Variants in LTN1 observed in about 807,000 individuals in gnomAD.
LTN1 encodes the protein listerin E3 ubiquitin protein ligase 1.
In LTN1, 88 loss-of-function variants were observed where a neutral mutation model predicts 201.2. That is an observed-to-expected ratio of 0.44 (90% CI 0.37 to 0.52). LTN1 has a LOEUF of 0.52. Among genes scored for constraint, LTN1 ranks in the 20% least tolerant of loss-of-function variants. The pLI is 0.00. For missense variants in LTN1, 1,752 were observed against 2,038.7 expected, an observed-to-expected ratio of 0.86 and a Z score of 2.71; for synonymous variants, 645 against 713.5, an observed-to-expected ratio of 0.90 and a Z score of 1.53.
chr21:28,937,697 T>G (rs187218637), intron 25 of LTN1, among the ~76,000 whole-genome samples: 1 of 152,226 alleles, frequency 6.6e-6, no homozygotes, highest in Non-Finnish European at 1.5e-5. Flanking sequence ...TGCTCCATAA[T>G]CTAAAACTTG....
At chr21:28,984,567 C>A in intron 4 of LTN1, 125 bp downstream of exon 4, 1 of 583,002 alleles carries the variant, frequency 1.7e-6, no homozygotes, top group Non-Finnish European at 2.9e-6. Flanking sequence ...AAAAAGGCAA[C>A]CTTCAGTTGG....
intron 6 of LTN1, among the ~76,000 whole-genome samples, chr21:28,973,539 C>T (rs997364509): frequency 1.3e-5 from 2 of 151,750 alleles, no homozygotes; most frequent in Non-Finnish European, 2.9e-5. Flanking sequence ...TCAAAGTTAG[C>T]AAAGTATTTT....
Position 28,986,888 on chromosome 21 carries a change from C to T in LTN1, c.89G>A (p.Gly30Glu), listed in dbSNP as rs754008692. The T allele has an allele frequency of 1.2e-6, 2 of 1,614,148 alleles. No individual in the cohort carries two copies. Among genetic ancestry groups the T allele is most frequent in the East Asian group, 2.2e-5 (1 of 44,874 alleles). The change falls in exon 2 of 30, where the codon GGA (glycine) becomes GAA (glutamate). Residue 30 changes from glycine to glutamate, a missense_variant. Gly to Glu is a moderately conservative substitution (Grantham distance 98, BLOSUM62 -2). This residue lies in a region of LTN1 where 280 missense variants were observed against 375.7 expected (regional missense o/e 0.75). Coordinates refer to ENST00000361371, the MANE Select transcript of LTN1 (RefSeq NM_015565.3). This position sits in a 1 kb window ranked among gnomAD's most constrained non-coding sequence, Gnocchi z 4.1. Reference protein sequence around the residue: ...RAAELLAKEQGTVPGFIGFGT... With the variant: ...RAAELLAKEQETVPGFIGFGT... ...AAAACCAATAAATCCAGGCACTGTTCCCTGTTCTTTGGCAAGGAGTTCTGC... is the reference window on the plus strand; with the variant it reads ...AAAACCAATAAATCCAGGCACTGTTTCCTGTTCTTTGGCAAGGAGTTCTGC...
intron 18 of LTN1, among the ~76,000 whole-genome samples, chr21:28,948,270 C>CTTTT (rs869195177): frequency 3.2e-5 from 4 of 126,662 alleles, no homozygotes; most frequent in Non-Finnish European, 6.8e-5. Flanking sequence ...TCTTTTCTTT[C>CTTTT]TTTTTTTTTT....
At chr21:28,935,030 A>C (rs1310320693) in intron 27 of LTN1, 79 bp downstream of exon 27, 3 of 918,978 alleles carry the variant, frequency 3.3e-6, no homozygotes, top group Non-Finnish European at 5.3e-6. Context: ...TAAGAGCTAC[A>C]GTCTGTTATG....
chr21:28,987,419 A>G (rs2084706687), intron 1 of LTN1, among the ~76,000 whole-genome samples: 1 of 152,228 alleles, frequency 6.6e-6, no homozygotes, highest in African/African-American at 2.4e-5. Flanking sequence ...TTAAATGAAC[A>G]AATATTTATT....
intron 11 of LTN1, among the ~76,000 whole-genome samples, chr21:28,963,311 T>C (rs1015697450): frequency 1.3e-5 from 2 of 152,226 alleles, no homozygotes; most frequent in African/African-American, 4.8e-5. Context: ...GGGGCTAATA[T>C]AGCTGGTAAC....
At chr21:28,964,881 T>A (rs1225119731) in intron 11 of LTN1, 3 of 1,364,290 alleles carry the variant, frequency 2.2e-6, no homozygotes, top group Non-Finnish European at 2.9e-6. Context: ...GTAACTTGGC[T>A]ACAGGGAGAG....
chr21:28,965,346 T>G (rs1024674419), intron 11 of LTN1, among the ~76,000 whole-genome samples: 2 of 152,316 alleles, frequency 1.3e-5, no homozygotes, highest in Middle Eastern at 3.4e-3. Flanking sequence ...TTTTGAAAAT[T>G]TGTAAATTGT....
In LTN1 at chr21:28,986,839, G is replaced by C. The variant is rs751945378; in HGVS notation, c.138C>G (p.Gly46=). The C allele has an allele frequency of 9.3e-6, 15 of 1,613,424 alleles. No homozygotes were observed. Among genetic ancestry groups the C allele is most frequent in the Non-Finnish European group, 1.1e-5 (13 of 1,179,504 alleles). Residue 46 remains glycine, a synonymous_variant, in exon 2 of 30, where the codon GGC becomes GGG. Transcript: ENST00000361371. This position sits in a 1 kb window ranked among gnomAD's most constrained non-coding sequence, Gnocchi z 4.1. ...IGFGTSQSDL[G]YVPAIQGAEE... is the part of the protein sequence containing the mutation. ...CAGCTCCTTGAATAGCAGGAACATAGCCTAGGTCACTCTGAGATGTTCCAA... is the reference window on the plus strand; with the variant it reads ...CAGCTCCTTGAATAGCAGGAACATACCCTAGGTCACTCTGAGATGTTCCAA...
Position 28,945,803 on chromosome 21 carries a change from T to A in LTN1, c.3768+4A>T, listed in dbSNP as rs748811814. 7.4e-6 allele frequency: 12 copies of A among 1,611,410 alleles called. No individual in the cohort carries two copies. The highest frequency in any genetic ancestry group is 1.0e-5 in the Non-Finnish European group (12 of 1,178,614). On this transcript the variant is annotated splice_donor_region_variant and intron_variant, in intron 21 of 29. Coordinates refer to ENST00000361371, the MANE Select transcript of LTN1 (RefSeq NM_015565.3). The stretch of plus-strand genomic sequence containing the variant: ...AGAGGTGATGACATATCGGGTTAAT[T>A]TACCTCCAACCAAGCCAACATGGAG...
Position 28,976,833 on chromosome 21 carries a change from T to C in LTN1, c.810+4286A>G, listed in dbSNP as rs559982579. 5.0e-4 allele frequency among the ~76,000 whole-genome samples: 76 copies of C among 152,252 alleles called. No homozygotes were observed. The East Asian group carries it at 0.014, about 28-fold the overall frequency. Reference sequence around the variant, plus strand: ...CAGTGGCAGTGCAATCAAAGCTCACTGCAGCCTCAATCTCCCAGGCCCAAG... The same window carrying C: ...CAGTGGCAGTGCAATCAAAGCTCACCGCAGCCTCAATCTCCCAGGCCCAAG... On this transcript the variant is annotated intron_variant, in intron 6 of 29. Transcript: ENST00000361371.
chr21:28,992,097 T>C (rs2084750855), intron 1 of LTN1, among the ~76,000 whole-genome samples: 1 of 152,054 alleles, frequency 6.6e-6, no homozygotes, highest in Non-Finnish European at 1.5e-5. Flanking sequence ...AGGAAGAACA[T>C]GGGAGTGGGG....
At chr21:28,951,012 C>CGTGT (rs2084377975) in intron 18 of LTN1, among the ~76,000 whole-genome samples, 1 of 152,026 alleles carries the variant, frequency 6.6e-6, no homozygotes, top group South Asian at 2.1e-4. Context: ...ACAGAACACA[C>CGTGT]GCACACTCTG....
intron 7 of LTN1, 127 bp downstream of exon 7, chr21:28,971,144 G>T: frequency 2.7e-6 from 2 of 730,216 alleles, no homozygotes; most frequent in Non-Finnish European, 4.2e-6. Context: ...TGCCATTTTA[G>T]TCACTTTAAG....
chr21:28,979,781 C>T (rs1232342646), intron 6 of LTN1, among the ~76,000 whole-genome samples: 1 of 152,016 alleles, frequency 6.6e-6, no homozygotes, highest in Non-Finnish European at 1.5e-5. Context: ...ACCAGCCTGG[C>T]CAACGTGGTG....
rs184938342 is a variant in LTN1 at position 28,941,494 on chromosome 21, G to A, written c.4296-88C>T. 1.2e-5 allele frequency: 13 copies of A among 1,104,202 alleles called. No individual in the cohort carries two copies. The Admixed American group carries it at 1.9e-4, about 16-fold the overall frequency. 68.4% of individuals were successfully genotyped at this position (1,104,202 alleles called of 1,614,324 possible). On this transcript the variant is annotated intron_variant, in intron 24 of 29. Transcript: ENST00000361371. The stretch of plus-strand genomic sequence containing the variant: ...GTACTTGTAAACTTCAAGCATTTTA[G>A]AAAAATTTCTCTGTTTTCCAAAAAA...
intron 16 of LTN1, 25 bp downstream of exon 16, chr21:28,956,737 T>C (rs2084428403): frequency 1.6e-6 from 2 of 1,256,880 alleles, no homozygotes; most frequent in Non-Finnish European, 2.2e-6. Context: ...CATTATGTTA[T>C]ATGTAAATAC....
chr21:28,968,968 C>A (rs1374371477), intron 9 of LTN1, among the ~76,000 whole-genome samples: 1 of 150,388 alleles, frequency 6.6e-6, no homozygotes, highest in African/African-American at 2.4e-5. Flanking sequence ...CACCTGTAAT[C>A]CCAGCACTTT....
Sources: gnomAD v4.1 joint callset for allele counts (sites outside exome capture counted in the v4.1 genomes callset) on GRCh38, gnomAD v4.1.1 for gene constraint, gnomAD v4.1.1 regional missense constraint, Gnocchi (gnomAD v3.1) non-coding constraint, MANE v1.5 for transcripts, NCBI Gene and HGNC (gene_info 2026-07-23, HGNC 2026-07-21) for gene names.